The following ROBO2 variants were observed in gnomAD, a reference collection of about 807,000 sequenced individuals.
ROBO2 encodes the protein roundabout guidance receptor 2.
ROBO2 carries 53 observed loss-of-function variants against 160.8 expected under a neutral mutation model. The observed-to-expected ratio is 0.33, with a 90% CI of 0.26 to 0.41. ROBO2 has a LOEUF of 0.41. ROBO2 is among the 10% of genes least tolerant of loss of function. The pLI is 1.00. For missense variants in ROBO2, 1,577 were observed against 1,722.4 expected, an observed-to-expected ratio of 0.92 and a Z score of 1.49; for synonymous variants, 664 against 611.7, an observed-to-expected ratio of 1.09 and a Z score of -1.26.
intron 2 of ROBO2, among the ~76,000 whole-genome samples, chr3:76,288,584 T>C (rs1158174402): frequency 6.6e-6 from 1 of 152,080 alleles, no homozygotes; most frequent in African/African-American, 2.4e-5. Context: ...AAAGTTTATT[T>C]CATCACACAG....
intron 2 of ROBO2, among the ~76,000 whole-genome samples, chr3:77,450,378 A>T (rs1196266145): frequency 1.3e-5 from 2 of 152,082 alleles, no homozygotes; most frequent in African/African-American, 4.8e-5. Context: ...TCTAAGCTTA[A>T]TGACCTTTGG....
intron 2 of ROBO2, among the ~76,000 whole-genome samples, chr3:76,112,850 T>C (rs1421640657): frequency 6.6e-6 from 1 of 152,132 alleles, no homozygotes; most frequent in African/African-American, 2.4e-5. Context: ...CTATTTTTGA[T>C]TTAGCAGGCA....
chr3:75,983,746 T>G (rs2065341050), intron 2 of ROBO2, among the ~76,000 whole-genome samples: 1 of 151,388 alleles, frequency 6.6e-6, no homozygotes, highest in African/African-American at 2.4e-5. Context: ...AGGGTAGATA[T>G]TTTGAAGTCT....
intron 2 of ROBO2, among the ~76,000 whole-genome samples, chr3:77,161,108 C>G (rs1351693500): frequency 1.3e-5 from 2 of 152,146 alleles, no homozygotes; most frequent in Non-Finnish European, 2.9e-5. Flanking sequence ...ATGGCCTGCA[C>G]TTCTCAGAAA....
chr3:76,339,017 C>A (rs1437739370), intron 2 of ROBO2, among the ~76,000 whole-genome samples: 2 of 152,006 alleles, frequency 1.3e-5, no homozygotes, highest in Non-Finnish European at 2.9e-5. Context: ...TGTCTAAAAG[C>A]AAATTTTGCA....
At chr3:77,306,668 C>T (rs1053747852) in intron 2 of ROBO2, among the ~76,000 whole-genome samples, 8 of 152,032 alleles carry the variant, frequency 5.3e-5, no homozygotes, top group Non-Finnish European at 1.2e-4. Context: ...TACCACATAG[C>T]ATAAGTTTCT....
intron 6 of ROBO2, among the ~76,000 whole-genome samples, chr3:77,536,327 C>T (rs1017509036): frequency 2.0e-5 from 3 of 151,890 alleles, no homozygotes; most frequent in African/African-American, 2.4e-5. Context: ...CACTCTCCCA[C>T]CCTTCCTTCC....
chr3:77,524,564 G>T (rs1341764465), intron 6 of ROBO2, among the ~76,000 whole-genome samples: 2 of 151,350 alleles, frequency 1.3e-5, no homozygotes, highest in Non-Finnish European at 3.0e-5. Context: ...AAAACGTGAG[G>T]AGTTGTTTGT....
At chr3:77,059,812 C>T (rs1254201350) in intron 1 of ROBO2, among the ~76,000 whole-genome samples, 1 of 152,074 alleles carries the variant, frequency 6.6e-6, no homozygotes, top group Non-Finnish European at 1.5e-5. Flanking sequence ...TGACATCAGG[C>T]TCATTGAAGA....
chr3:76,439,149 G>A (rs1051182732), intron 2 of ROBO2, among the ~76,000 whole-genome samples: 8 of 152,264 alleles, frequency 5.3e-5, no homozygotes, highest in Admixed American at 1.3e-4. Flanking sequence ...TACTCATCTA[G>A]TAAATATGTA....
intron 2 of ROBO2, among the ~76,000 whole-genome samples, chr3:76,105,620 T>C (rs1393104081): frequency 6.6e-6 from 1 of 152,170 alleles, no homozygotes; most frequent in Non-Finnish European, 1.5e-5. Context: ...ATACCTGGCT[T>C]ACAGGGTGAG....
chr3:76,549,087 A>G (rs1427821177), intron 2 of ROBO2, among the ~76,000 whole-genome samples: 2 of 152,198 alleles, frequency 1.3e-5, no homozygotes, highest in East Asian at 3.8e-4. Context: ...TCACAAACAT[A>G]TCTCATAATA....
intron 2 of ROBO2, among the ~76,000 whole-genome samples, chr3:76,470,569 TAAG>T (rs2078602720): frequency 6.6e-6 from 1 of 152,100 alleles, no homozygotes; most frequent in African/African-American, 2.4e-5. Flanking sequence ...TTCTAGGTTC[TAAG>T]AAGAAGCATA....
At chr3:76,546,565 G>A (rs1200579741) in intron 2 of ROBO2, among the ~76,000 whole-genome samples, 1 of 151,922 alleles carries the variant, frequency 6.6e-6, no homozygotes, top group Non-Finnish European at 1.5e-5. Flanking sequence ...GGGAGCCAGA[G>A]AAATGGCAAT....
At chr3:76,007,404 A>G (rs1050251679) in intron 2 of ROBO2, among the ~76,000 whole-genome samples, 6 of 152,160 alleles carry the variant, frequency 3.9e-5, no homozygotes, top group African/African-American at 1.2e-4. Flanking sequence ...GATATCCTCC[A>G]TTGTCTATGT....
chr3:76,887,907 G>C (rs569706912), intron 2 of ROBO2, among the ~76,000 whole-genome samples: 11 of 152,006 alleles, frequency 7.2e-5, no homozygotes, highest in Non-Finnish European at 1.6e-4. Flanking sequence ...CTTGAGCTTG[G>C]GAGTCCTAAC....
chr3:76,946,962 T>C (rs912848590), intron 2 of ROBO2, among the ~76,000 whole-genome samples: 3 of 152,244 alleles, frequency 2.0e-5, no homozygotes, highest in African/African-American at 4.8e-5. Flanking sequence ...GTCCAATGTC[T>C]TGAAAATCAT....
intron 2 of ROBO2, among the ~76,000 whole-genome samples, chr3:76,377,953 G>A (rs2076431019): frequency 6.6e-6 from 1 of 152,048 alleles, no homozygotes; most frequent in African/African-American, 2.4e-5. Flanking sequence ...GCATTGCTAG[G>A]AGCACGTGTG....
At chr3:76,000,619 G>A (rs965928788) in intron 2 of ROBO2, among the ~76,000 whole-genome samples, 1 of 151,490 alleles carries the variant, frequency 6.6e-6, no homozygotes, top group Non-Finnish European at 1.5e-5. Flanking sequence ...CTCCCGAGTA[G>A]CTGGGACTAC....
Sources: gnomAD v4.1 joint callset for allele counts (sites outside exome capture counted in the v4.1 genomes callset) on GRCh38, gnomAD v4.1.1 for gene constraint, MANE v1.5 for transcripts, NCBI Gene and HGNC (gene_info 2026-07-23, HGNC 2026-07-21) for gene names.